The following TTC39C variants were observed in gnomAD, a reference collection of about 807,000 sequenced individuals.
TTC39C encodes the protein tetratricopeptide repeat domain 39C, also known as tetratricopeptide repeat protein 39C.
In TTC39C, 33 loss-of-function variants were observed where a neutral mutation model predicts 76.3. That is an observed-to-expected ratio of 0.43 (90% CI 0.33 to 0.58). TTC39C has a LOEUF of 0.58. Ranked by LOEUF, TTC39C falls within the 20% of genes least tolerant of loss-of-function variation. The pLI, the probability that TTC39C is intolerant of heterozygous loss-of-function variation, is 0.04. For synonymous variants in TTC39C, 254 were observed against 260.6 expected (o/e 0.97, Z 0.24); for missense variants, 595 against 701.4 (o/e 0.85, Z 1.71).
At chr18:24,020,941 C>T (rs2083510760) in intron 1 of TTC39C, among the ~76,000 whole-genome samples, 1 of 152,000 alleles carries the variant, frequency 6.6e-6, no homozygotes, top group Admixed American at 6.6e-5. Context: ...AACATGGAAG[C>T]ACTTTCTATT....
At chr18:24,107,095 T>C (rs1409592115) in intron 6 of TTC39C, among the ~76,000 whole-genome samples, 1 of 152,134 alleles carries the variant, frequency 6.6e-6, no homozygotes, top group Non-Finnish European at 1.5e-5. Flanking sequence ...TGCTGGGTTT[T>C]ATTGGTGTTT....
In TTC39C at chr18:24,023,944, AT is replaced by A. The variant is rs1568408641; in HGVS notation, c.167+8907del. On this transcript the variant is annotated intron_variant, in intron 1 of 13. Coordinates refer to ENST00000317571, the MANE Select transcript of TTC39C (RefSeq NM_001135993.2). ...CCCAAATAAAATTACATATATATAT[AT>A]GCATGTATATATATATATATATATA... Among the ~76,000 whole-genome samples the A allele has an allele frequency of 9.0e-3, 216 of 23,920 alleles. 9 individuals are homozygous for A. In the Admixed American group the frequency reaches 0.094, roughly 10 times the overall value. 15.7% of individuals were successfully genotyped at this position (23,920 alleles called of 152,430 possible). A position where few individuals can be genotyped will look rare whatever the true frequency, so the allele number is the denominator to read the frequency against.
chr18:23,999,646 A>C (rs2083297011), intron 1 of TTC39C, among the ~76,000 whole-genome samples: 1 of 152,194 alleles, frequency 6.6e-6, no homozygotes, highest in Non-Finnish European at 1.5e-5. Flanking sequence ...TACGGCTCCC[A>C]TAAGGTGGGC....
At chr18:24,063,884 T>A (rs2084132768) in intron 1 of TTC39C, among the ~76,000 whole-genome samples, 2 of 152,216 alleles carry the variant, frequency 1.3e-5, no homozygotes, top group South Asian at 2.1e-4. Context: ...ACTAAGGCAG[T>A]GTCTGTTATA....
intron 10 of TTC39C, among the ~76,000 whole-genome samples, chr18:24,127,314 G>A (rs2085063819): frequency 6.6e-6 from 1 of 152,200 alleles, no homozygotes; most frequent in African/African-American, 2.4e-5. Context: ...TAGTGGCAAT[G>A]TAGATCATAA....
At chr18:23,999,649 A>C (rs2083297088) in intron 1 of TTC39C, among the ~76,000 whole-genome samples, 2 of 152,220 alleles carry the variant, frequency 1.3e-5, no homozygotes, top group African/African-American at 4.8e-5. Context: ...GGCTCCCATA[A>C]GGTGGGCATT....
At chr18:24,013,885 T>C (rs979304461), upstream of TTC39C, among the ~76,000 whole-genome samples, 2 of 152,276 alleles carry the variant, frequency 1.3e-5, no homozygotes, top group Non-Finnish European at 2.9e-5. Context: ...CATTTGGTCA[T>C]ATGAACGCCA....
intron 8 of TTC39C, among the ~76,000 whole-genome samples, chr18:24,122,665 T>C (rs1204745094): frequency 6.6e-6 from 1 of 151,798 alleles, no homozygotes; most frequent in Non-Finnish European, 1.5e-5. Flanking sequence ...TTTCAAGCAG[T>C]AGTGGGGCTG....
intron 1 of TTC39C, among the ~76,000 whole-genome samples, chr18:23,997,624 AAAG>A (rs1303891256): frequency 6.8e-6 from 1 of 146,584 alleles, no homozygotes; most frequent in Non-Finnish European, 1.5e-5. Context: ...AAAGAAAAGA[AAAG>A]AAAGAGAGGG....
At chr18:24,005,675 G>C (rs574497288) in intron 1 of TTC39C, among the ~76,000 whole-genome samples, 1 of 148,848 alleles carries the variant, frequency 6.7e-6, no homozygotes, top group Non-Finnish European at 1.5e-5. Flanking sequence ...GCGAGACCCT[G>C]TCTCTAAAAA....
chr18:24,024,485 G>A (rs1021747803), intron 1 of TTC39C, among the ~76,000 whole-genome samples: 2 of 152,118 alleles, frequency 1.3e-5, no homozygotes, highest in Non-Finnish European at 2.9e-5. Context: ...GGAAGTAACA[G>A]ACTAAATTTA....
chr18:24,092,063 A>C (rs909008741), intron 6 of TTC39C, among the ~76,000 whole-genome samples: 6 of 128,534 alleles, frequency 4.7e-5, no homozygotes, highest in Admixed American at 2.9e-4. Flanking sequence ...ACTGCACTCC[A>C]GCCTGGGTGA....
chr18:24,093,184 T>A lies in TTC39C; in HGVS notation c.984+10103T>A, dbSNP rs550349754. On this transcript the variant is annotated intron_variant, in intron 6 of 13. Transcript: ENST00000317571. ...TTGAATTTTATCTCAATAAAGATGT[T>A]TTATAAAAGTATTGGCCGGGTGCAG... is the stretch of plus-strand genomic sequence containing the variant. 2.0e-5 allele frequency among the ~76,000 whole-genome samples: 3 copies of A among 152,286 alleles called. No individual in the cohort carries two copies. The South Asian group carries it at 6.2e-4, about 32-fold the overall frequency.
intron 1 of TTC39C, among the ~76,000 whole-genome samples, chr18:23,999,868 C>T (rs528346503): frequency 3.3e-4 from 50 of 152,330 alleles, no homozygotes; most frequent in Admixed American, 8.5e-4. Context: ...AATGTTGTAT[C>T]GGAGTATCAG....
chr18:24,050,298 A>AGT lies in TTC39C; in HGVS notation c.168-13840_168-13839dup, dbSNP rs142966336. Among the ~76,000 whole-genome samples, 1,316 of 152,316 alleles carry AGT rather than the reference A, an allele frequency of 8.6e-3. 33 individuals are homozygous for AGT. Among genetic ancestry groups the AGT allele is most frequent in the Admixed American group, 0.054 (829 of 15,308 alleles). ...TAAAAAGTGAAATGTGGCCTGGTGC[A>AGT]GTGGCTCATGCCTGTAATCCCAACA... On this transcript the variant is annotated intron_variant, in intron 1 of 13. Transcript: ENST00000317571.
intron 1 of TTC39C, among the ~76,000 whole-genome samples, chr18:24,023,621 G>T (rs1049669916): frequency 7.2e-5 from 11 of 152,004 alleles, no homozygotes; most frequent in African/African-American, 1.9e-4. Context: ...CCCCTAGGGG[G>T]TGGTGCTATG....
At position 24,107,653 on chromosome 18, in the gene TTC39C, C is replaced by T. The variant is rs146285728; in HGVS notation, c.985-6901C>T. Among the ~76,000 whole-genome samples, 1,414 of 152,300 alleles carry T rather than the reference C, an allele frequency of 9.3e-3. 27 individuals are homozygous for T. Among genetic ancestry groups the T allele is most frequent in the African/African-American group, 0.033 (1,354 of 41,568 alleles). ...TCGCCTTCTGCCATGATTGCAAGGC[C>T]TCCCCAGCCATGTGGAACTGTGAGT... is the stretch of plus-strand genomic sequence containing the variant. On this transcript the variant is annotated intron_variant, in intron 6 of 13. Transcript: ENST00000317571.
chr18:24,107,896 G>C (rs200957293), intron 6 of TTC39C, among the ~76,000 whole-genome samples: 6 of 124,252 alleles, frequency 4.8e-5, no homozygotes, highest in African/African-American at 2.8e-4. Context: ...GTAGGGGGGG[G>C]GGTACAGGCA....
intron 6 of TTC39C, among the ~76,000 whole-genome samples, chr18:24,084,604 C>T (rs1383432379): frequency 6.6e-6 from 1 of 151,974 alleles, no homozygotes; most frequent in Non-Finnish European, 1.5e-5. Context: ...TTTTTCTTTG[C>T]ATACAGGCTC....
Sources: gnomAD v4.1 joint callset for allele counts (sites outside exome capture counted in the v4.1 genomes callset) on GRCh38, gnomAD v4.1.1 for gene constraint, MANE v1.5 for transcripts, NCBI Gene and HGNC (gene_info 2026-07-23, HGNC 2026-07-21) for gene names.